Variants in CACNA2D1 observed in about 807,000 individuals in gnomAD.
CACNA2D1 encodes the protein voltage-dependent calcium channel subunit alpha-2/delta-1.
Under a neutral mutation model 171.5 loss-of-function variants are expected in CACNA2D1, and 53 were observed. The ratio of observed to expected loss-of-function variants is 0.31; its 90% CI spans 0.25 to 0.39. The LOEUF is 0.39. Among genes scored for constraint, CACNA2D1 ranks in the 10% least tolerant of loss-of-function variants. CACNA2D1 has a pLI of 1.00. For synonymous variants in CACNA2D1, 442 were observed against 443.1 expected (o/e 1.00, Z 0.03); for missense variants, 903 against 1,299.8 (o/e 0.69, Z 4.69).
At chr7:82,151,193 A>G (rs943403646) in intron 4 of CACNA2D1, among the ~76,000 whole-genome samples, 1 of 152,168 alleles carries the variant, frequency 6.6e-6, no homozygotes, top group African/African-American at 2.4e-5. Context: ...AGTAAAGGAG[A>G]GGCAAGGAAA....
intron 6 of CACNA2D1, among the ~76,000 whole-genome samples, chr7:82,111,428 G>GTGTGTATATATATATATATA (rs1413914216): frequency 2.0e-5 from 1 of 50,416 alleles, no homozygotes; most frequent in African/African-American, 9.5e-5. Context: ...ATATATGTGT[G>GTGTGTATATATATATATATA]TATATATATA....
At chr7:82,104,830 A>G (rs761338981) in intron 6 of CACNA2D1, among the ~76,000 whole-genome samples, 4 of 152,114 alleles carry the variant, frequency 2.6e-5, no homozygotes, top group Admixed American at 6.5e-5. Flanking sequence ...TGACTACAAT[A>G]TATCAATAGT....
intron 3 of CACNA2D1, among the ~76,000 whole-genome samples, chr7:82,207,678 G>A (rs1045746295): frequency 6.6e-6 from 1 of 152,128 alleles, no homozygotes; most frequent in Non-Finnish European, 1.5e-5. Context: ...CCTGCTGGTA[G>A]CTCCAGAGGT....
intron 21 of CACNA2D1, 40 bp downstream of exon 21, chr7:81,991,145 C>A: frequency 1.0e-6 from 1 of 953,972 alleles, no homozygotes. Flanking sequence ...TAATATTAAT[C>A]CATTGGAATA....
intron 7 of CACNA2D1, among the ~76,000 whole-genome samples, chr7:82,076,812 C>G (rs1809024282): frequency 6.6e-6 from 1 of 152,152 alleles, no homozygotes. Context: ...ATTACTTTTT[C>G]TATAACAAAC....
chr7:82,114,739 G>C (rs1400715045), intron 6 of CACNA2D1, among the ~76,000 whole-genome samples: 2 of 147,684 alleles, frequency 1.4e-5, no homozygotes, highest in African/African-American at 5.0e-5. Context: ...CTGGGCAAGG[G>C]AGTGAGACTC....
At chr7:82,391,058 C>T (rs1825066199) in intron 1 of CACNA2D1, among the ~76,000 whole-genome samples, 2 of 152,054 alleles carry the variant, frequency 1.3e-5, no homozygotes, top group African/African-American at 4.8e-5. Context: ...TGCCAAAAAG[C>T]TGTACATCTA....
In CACNA2D1 at chr7:82,103,803, G is replaced by A. The variant is rs955522064; in HGVS notation, c.526+13241C>T. Among the ~76,000 whole-genome samples, 3 of 152,156 alleles carry A rather than the reference G, an allele frequency of 2.0e-5. No homozygotes were observed. The East Asian group carries it at 5.8e-4, about 29-fold the overall frequency. On this transcript the variant is annotated intron_variant, in intron 6 of 38. Transcript: ENST00000356860. ...ATATTTAACTCCCCAACCCGAATAT[G>A]TATAGTTAATTCTACTGATCCATAA... is the stretch of plus-strand genomic sequence containing the variant.
chr7:82,050,506 G>A (rs991429199), intron 10 of CACNA2D1: 1 of 692,284 alleles, frequency 1.4e-6, no homozygotes, highest in African/African-American at 1.8e-5. Flanking sequence ...AGATGAGGAA[G>A]TCCCTGATCT....
At chr7:82,204,474 A>G (rs1799810179) in intron 3 of CACNA2D1, among the ~76,000 whole-genome samples, 1 of 152,174 alleles carries the variant, frequency 6.6e-6, no homozygotes, top group South Asian at 2.1e-4. Context: ...AGGTAGGGAA[A>G]TAAAAACCTG....
At chr7:82,311,934 G>A (rs1206137853) in intron 3 of CACNA2D1, among the ~76,000 whole-genome samples, 1 of 152,040 alleles carries the variant, frequency 6.6e-6, no homozygotes, top group Non-Finnish European at 1.5e-5. Flanking sequence ...CTTTCTGACA[G>A]GCCCCCAAGA....
chr7:81,999,982 C>T (rs898749546), intron 18 of CACNA2D1, among the ~76,000 whole-genome samples: 4 of 152,184 alleles, frequency 2.6e-5, no homozygotes, highest in South Asian at 2.1e-4. Flanking sequence ...ATTTAGAGGC[C>T]GGGCACAGTG....
intron 19 of CACNA2D1, 108 bp from the exon 20 acceptor site, chr7:81,995,047 T>C (rs1797899775): frequency 1.6e-6 from 1 of 637,414 alleles, no homozygotes; most frequent in Middle Eastern, 2.6e-4. Context: ...TTAGAACAAA[T>C]AAAATAAAAA....
At chr7:82,416,255 C>T (rs1828155526) in intron 1 of CACNA2D1, among the ~76,000 whole-genome samples, 1 of 151,836 alleles carries the variant, frequency 6.6e-6, no homozygotes, top group Non-Finnish European at 1.5e-5. Context: ...ATTTAAAAAT[C>T]TCATTTAAAA....
At chr7:82,174,645 C>T (rs904442840) in intron 3 of CACNA2D1, among the ~76,000 whole-genome samples, 1 of 151,766 alleles carries the variant, frequency 6.6e-6, no homozygotes, top group African/African-American at 2.4e-5. Context: ...ATATCAAAAC[C>T]AAAACACTAG....
chr7:82,224,248 A>C lies in CACNA2D1; in HGVS notation c.295-53639T>G, dbSNP rs140485765. The stretch of plus-strand genomic sequence containing the variant: ...TAGTTAGCATGCAGGAGAACTGTAA[A>C]ATCATGGGAAAACATTTTTCTTTAT... On this transcript the variant is annotated intron_variant, in intron 3 of 38. Transcript: ENST00000356860. Among the ~76,000 whole-genome samples the C allele has an allele frequency of 6.6e-3, 1,000 of 152,302 alleles. 5 individuals are homozygous for C. Among genetic ancestry groups the C allele is most frequent in the Non-Finnish European group, 0.01 (694 of 68,030 alleles).
chr7:81,991,146 C>A, intron 21 of CACNA2D1, 39 bp downstream of exon 21: 1 of 962,044 alleles, frequency 1.0e-6, no homozygotes, highest in Non-Finnish European at 1.7e-6. Flanking sequence ...AATATTAATC[C>A]ATTGGAATAC....
intron 1 of CACNA2D1, among the ~76,000 whole-genome samples, chr7:82,363,065 T>C (rs955003501): frequency 6.6e-6 from 1 of 152,102 alleles, no homozygotes; most frequent in African/African-American, 2.4e-5. Context: ...CTACATTGCT[T>C]AATTTTTCAA....
chr7:81,967,212 A>C lies in CACNA2D1; in HGVS notation c.2464-5T>G. ...GTCACAAACTGGACCAGCACACTGA[A>C]AGACAAAAATGCGATTATCACCTCA... On this transcript the variant is annotated splice_polypyrimidine_tract_variant and splice_region_variant and intron_variant, in intron 30 of 38. Transcript: ENST00000356860. The C allele has an allele frequency of 6.2e-7, 1 of 1,606,834 alleles. No individual in the cohort carries two copies. Among genetic ancestry groups the C allele is most frequent in the Non-Finnish European group, 8.5e-7 (1 of 1,174,746 alleles).
Sources: allele counts gnomAD v4.1 joint callset (sites outside exome capture counted in the v4.1 genomes callset), GRCh38; gene constraint gnomAD v4.1.1; transcripts MANE v1.5; gene names NCBI Gene and HGNC (gene_info 2026-07-23, HGNC 2026-07-21).